The following MAX variants were observed in gnomAD, a reference collection of about 807,000 sequenced individuals.
The protein encoded by MAX is protein max.
In MAX, 3 loss-of-function variants were observed where a neutral mutation model predicts 22.3. That is an observed-to-expected ratio of 0.13 (90% confidence interval 0.06 to 0.35). The LOEUF (loss-of-function observed/expected upper bound fraction) is 0.35. MAX is among the 10% of genes least tolerant of loss of function. The probability of loss-of-function intolerance (pLI) is 1.00; values close to 1 mark genes in which losing one functional copy is unlikely to be tolerated. For missense variants in MAX, 119 were observed against 209.4 expected, an observed-to-expected ratio of 0.57 and a Z score of 2.66; for synonymous variants, 72 against 77.7, an observed-to-expected ratio of 0.93 and a Z score of 0.39.
At chr14:65,095,886 T>C (rs1004040574) in intron 2 of MAX, among the ~76,000 whole-genome samples, 1 of 152,222 alleles carries the variant, frequency 6.6e-6, no homozygotes, top group Non-Finnish European at 1.5e-5. Context: ...TAGAATGAAG[T>C]TGCACTTGGT....
chr14:65,054,785 T>C lies in MAX; in HGVS notation c.171+38923A>G. The C allele has an allele frequency of 7.4e-7, 1 of 1,346,224 alleles. No homozygotes were observed. The highest frequency in any genetic ancestry group is 1.0e-6 in the Non-Finnish European group (1 of 975,970). The allele number at this position is 1,346,224 out of a possible 1,614,324, so 83.4% of individuals were successfully genotyped here. A position where few individuals can be genotyped will look rare whatever the true frequency, so the allele number is the denominator to read the frequency against. On this transcript the variant is annotated intron_variant, in intron 3 of 3. Transcript: ENST00000341653. This position sits in a 1 kb window ranked among gnomAD's most constrained non-coding sequence, Gnocchi z 4.4. ...CAGAACTGGCTCTGCATTTCCTGTG[T>C]GGACAGGCGGAAGCTTGTGGTCCCT...
At position 65,078,569 on chromosome 14, in the gene MAX, G is replaced by A. The variant is rs571049599; in HGVS notation, c.172-533C>T. ...TTTGGAGACGTAGTCTCGCTCTGTT[G>A]CCCAGGCTGGAGTAGAGTGGTGTGA... is the stretch of plus-strand genomic sequence containing the variant. On this transcript the variant is annotated intron_variant, in intron 3 of 4. Transcript: ENST00000358664. The surrounding 1 kb of genome is among the most constrained non-coding windows in gnomAD (Gnocchi z 6.4). Among the ~76,000 whole-genome samples, 60 of 146,616 alleles carry A rather than the reference G, an allele frequency of 4.1e-4. No individual in the cohort carries two copies. The highest frequency in any genetic ancestry group is 1.4e-3 in the African/African-American group (57 of 39,966).
chr14:65,091,383 T>C (rs1490154429), intron 3 of MAX, among the ~76,000 whole-genome samples: 1 of 152,224 alleles, frequency 6.6e-6, no homozygotes, highest in East Asian at 1.9e-4. Flanking sequence ...ATTTGGATTA[T>C]AACACAGGAT....
Position 65,027,454 on chromosome 14 carries a change from G to A in MAX, c.172-21170C>T, listed in dbSNP as rs1490339902. On this transcript the variant is annotated intron_variant, in intron 3 of 3. Transcript: ENST00000341653. The surrounding 1 kb of genome is among the most constrained non-coding windows in gnomAD (Gnocchi z 5.7). ...TTTGCCCTTTGGCTGTGTACCTAGTGTGTGTCAGTTCCTGGAGCTGTGTCA... is the reference window on the plus strand; with the variant it reads ...TTTGCCCTTTGGCTGTGTACCTAGTATGTGTCAGTTCCTGGAGCTGTGTCA... 6.2e-7 allele frequency: 1 copy of A among 1,614,192 alleles called. No individual in the cohort carries two copies. Among genetic ancestry groups the A allele is most frequent in the African/African-American group, 1.3e-5 (1 of 75,046 alleles).
chr14:65,101,770 G>T (rs1419417507), intron 1 of MAX, 198 bp from the exon 2 acceptor site: 5 of 562,040 alleles, frequency 8.9e-6, no homozygotes, highest in Non-Finnish European at 1.6e-5. Context: ...GAGGGGTCCC[G>T]AGCGCCGCCC....
chr14:65,077,112 G>A lies in MAX; in HGVS notation c.296-449C>T. ...GTTTTGGCTTAGCTCTCGTGTACAA[G>A]ATCCACTTGGAATGACAAGCTGGAC... On this transcript the variant is annotated intron_variant, in intron 4 of 4. Coordinates refer to ENST00000358664, the MANE Select transcript of MAX (RefSeq NM_002382.5). The surrounding 1 kb of genome is among the most constrained non-coding windows in gnomAD (Gnocchi z 6.3). 1 of 593,822 alleles carries A rather than the reference G, an allele frequency of 1.7e-6. No homozygotes were observed. The highest frequency in any genetic ancestry group is 2.1e-5 in the South Asian group (1 of 48,272). The allele number at this position is 593,822 out of a possible 1,614,324, so 36.8% of individuals were successfully genotyped here.
chr14:65,024,285 TG>T (rs1258383882), intron 3 of MAX, among the ~76,000 whole-genome samples: 1 of 152,114 alleles, frequency 6.6e-6, no homozygotes, highest in Non-Finnish European at 1.5e-5. Context: ...CCACCCATAG[TG>T]ATTCCGGTTT....
At position 65,007,595 on chromosome 14, in the gene MAX, A is replaced by G. The variant is rs1213723591; in HGVS notation, c.172-1311T>C. On this transcript the variant is annotated intron_variant, in intron 3 of 3. Coordinates refer to the MAX transcript ENST00000341653. The surrounding 1 kb of genome is among the most constrained non-coding windows in gnomAD (Gnocchi z 4.9). ...CTTCCCAGAAATGATTTTCTTCTCT[A>G]AGGTTGGGACTGTCTACCTGGAGTG... is the stretch of plus-strand genomic sequence containing the variant. 1.3e-5 allele frequency among the ~76,000 whole-genome samples: 2 copies of G among 152,154 alleles called. No homozygotes were observed. Among genetic ancestry groups the G allele is most frequent in the African/African-American group, 2.4e-5 (1 of 41,430 alleles).
rs1290873490 is a variant in MAX at position 65,029,977 on chromosome 14, A to C, written c.172-23693T>G. Among the ~76,000 whole-genome samples the C allele has an allele frequency of 2.0e-5, 3 of 152,208 alleles. No individual in the cohort carries two copies. Among genetic ancestry groups the C allele is most frequent in the African/African-American group, 7.2e-5 (3 of 41,448 alleles). On this transcript the variant is annotated intron_variant, in intron 3 of 3. Transcript: ENST00000341653. This position sits in a 1 kb window ranked among gnomAD's most constrained non-coding sequence, Gnocchi z 4.7. ...CAGCAAGGATGGAAAGTTAGTGGAC[A>C]AATTCAAATTTGAGAGCTGCGATGA...
At chr14:65,073,712 A>G (rs1226478345), downstream of MAX, among the ~76,000 whole-genome samples, 1 of 152,256 alleles carries the variant, frequency 6.6e-6, no homozygotes, top group African/African-American at 2.4e-5. Flanking sequence ...CACACATACC[A>G]GAAGGGGCTT....
At chr14:65,070,229 C>G (rs1354300298), downstream of MAX, among the ~76,000 whole-genome samples, 2 of 152,214 alleles carry the variant, frequency 1.3e-5, no homozygotes, top group Non-Finnish European at 2.9e-5. This position sits in a 1 kb window ranked among gnomAD's most constrained non-coding sequence, Gnocchi z 4.4. Flanking sequence ...CTCTATCAGT[C>G]TACAGGCTGT....
Position 65,027,137 on chromosome 14 carries a change from A to G in MAX, c.172-20853T>C, listed in dbSNP as rs1199627757. On this transcript the variant is annotated intron_variant, in intron 3 of 3. Coordinates refer to the MAX transcript ENST00000341653. The surrounding 1 kb of genome is among the most constrained non-coding windows in gnomAD (Gnocchi z 5.7). ...GCAAGTTGAGTGGAAAGTCTGGGAA[A>G]GGTTTGTGTGGGAAGCACGGGAGAC... Among the ~76,000 whole-genome samples the G allele has an allele frequency of 6.6e-6, 1 of 152,226 alleles. No homozygotes were observed. The highest frequency in any genetic ancestry group is 2.4e-5 in the African/African-American group (1 of 41,468).
In MAX at chr14:65,029,452, T is replaced by C. The variant is rs184826320; in HGVS notation, c.172-23168A>G. On this transcript the variant is annotated intron_variant, in intron 3 of 3. Coordinates refer to the MAX transcript ENST00000341653. This position sits in a 1 kb window ranked among gnomAD's most constrained non-coding sequence, Gnocchi z 4.7. ...GTCTCTGGATGATCTTTCTGCTCTG[T>C]TACACTGCTGATAGTTTCAGAGATG... Among the ~76,000 whole-genome samples the C allele has an allele frequency of 2.6e-5, 4 of 152,242 alleles. No individual in the cohort carries two copies. The highest frequency in any genetic ancestry group is 5.9e-5 in the Non-Finnish European group (4 of 68,042).
intron 3 of MAX, among the ~76,000 whole-genome samples, chr14:65,024,932 T>G (rs2061953004): frequency 6.6e-6 from 1 of 152,174 alleles, no homozygotes; most frequent in African/African-American, 2.4e-5. Flanking sequence ...TTTTTTTGTT[T>G]GTTTGTTTTT....
At position 65,084,300 on chromosome 14, in the gene MAX, CT is replaced by C; in HGVS notation, c.172-6265del. 3 of 1,494,078 alleles carry C rather than the reference CT, an allele frequency of 2.0e-6. No homozygotes were observed. The highest frequency in any genetic ancestry group is 2.8e-6 in the Non-Finnish European group (3 of 1,071,060). The allele number at this position is 1,494,078 out of a possible 1,614,324, so 92.6% of individuals were successfully genotyped here. A position where few individuals can be genotyped will look rare whatever the true frequency, so the allele number is the denominator to read the frequency against. On this transcript the variant is annotated intron_variant, in intron 3 of 4. Transcript: ENST00000358664. This position sits in a 1 kb window ranked among gnomAD's most constrained non-coding sequence, Gnocchi z 4.3. ...ACAATTTCCAAAAGAGGAAATAGAG[CT>C]AGTAAATAAACATGTGGAAAAGCAA...
At chr14:65,053,115 A>G in intron 3 of MAX, 1 of 666,808 alleles carries the variant, frequency 1.5e-6, no homozygotes, top group Non-Finnish European at 2.2e-6. Flanking sequence ...TTGTACCAAG[A>G]ATGAATGGAA....
chr14:65,084,360 T>A lies in MAX; in HGVS notation c.172-6324A>T. On this transcript the variant is annotated intron_variant, in intron 3 of 4. Coordinates refer to ENST00000358664, the MANE Select transcript of MAX (RefSeq NM_002382.5). This position sits in a 1 kb window ranked among gnomAD's most constrained non-coding sequence, Gnocchi z 4.3. ...ACAAGTAATAAATAGAATACAAAAT[T>A]ACTAACTTTTGTTTACTGAATTAGT... The A allele has an allele frequency of 9.2e-7, 1 of 1,087,304 alleles. No individual in the cohort carries two copies. Among genetic ancestry groups the A allele is most frequent in the African/African-American group, 1.6e-5 (1 of 63,626 alleles). 67.4% of individuals were successfully genotyped at this position (1,087,304 alleles called of 1,614,324 possible). A position where few individuals can be genotyped will look rare whatever the true frequency, so the allele number is the denominator to read the frequency against.
chr14:65,072,207 C>T (rs757741293), downstream of MAX, among the ~76,000 whole-genome samples: 38 of 152,194 alleles, frequency 2.5e-4, no homozygotes, highest in South Asian at 6.2e-4. Flanking sequence ...ATAAAACCTG[C>T]CTGGGGACCA....
chr14:65,013,637 C>T (rs1390355469), intron 3 of MAX, among the ~76,000 whole-genome samples: 1 of 152,152 alleles, frequency 6.6e-6, no homozygotes, highest in Non-Finnish European at 1.5e-5. Flanking sequence ...GCAACCTCCG[C>T]CTCAGGTTCA....
Sources: allele counts gnomAD v4.1 joint callset (sites outside exome capture counted in the v4.1 genomes callset), GRCh38; gene constraint gnomAD v4.1.1; non-coding constraint Gnocchi (gnomAD v3.1); transcripts MANE v1.5; gene names NCBI Gene and HGNC (gene_info 2026-07-23, HGNC 2026-07-21).